The following RASL12 variants were observed in gnomAD, a reference collection of about 807,000 sequenced individuals.
RASL12 encodes the protein RAS like family 12, also known as ras-like protein family member 12.
RASL12 carries 16 observed loss-of-function variants against 22.9 expected under a neutral mutation model. The observed-to-expected ratio is 0.70, with a 90% CI of 0.47 to 1.06. The LOEUF (loss-of-function observed/expected upper bound fraction) is 1.06, where lower values mean the gene tolerates loss of function less well. Ranked by LOEUF, RASL12 falls within the 50% of genes least tolerant of loss-of-function variation. The pLI is 0.00. For synonymous variants in RASL12, 159 were observed against 152.2 expected, an observed-to-expected ratio of 1.04 and a Z score of -0.33; for missense variants, 306 against 353.1, an observed-to-expected ratio of 0.87 and a Z score of 1.07.
the RASL12 span, among the ~76,000 whole-genome samples, chr15:65,047,132 G>A: frequency 7.9e-5 from 12 of 151,708 alleles, no homozygotes; most frequent in African/African-American, 1.5e-4. Context: ...TGAGGTAGGC[G>A]GATCACCAAC....
Position 65,053,981 on chromosome 15 carries a change from G to C in RASL12, c.*918C>G. On this transcript the variant is annotated 3_prime_UTR_variant, in exon 5 of 5. Coordinates refer to ENST00000220062, the MANE Select transcript of RASL12 (RefSeq NM_016563.4). ...CTCAGACTCATTGCTGAGGGTCCTG[G>C]GTCCTGCCAAACCAGATGACAAACG... 1.0e-6 allele frequency: 1 copy of C among 985,804 alleles called. No individual in the cohort carries two copies. Among genetic ancestry groups the C allele is most frequent in the Non-Finnish European group, 1.2e-6 (1 of 829,938 alleles). 61.1% of individuals were successfully genotyped at this position (985,804 alleles called of 1,614,324 possible).
intron 1 of RASL12, among the ~76,000 whole-genome samples, chr15:65,066,045 G>T (rs1039263628): frequency 2.2e-5 from 3 of 136,352 alleles, no homozygotes; most frequent in Admixed American, 7.5e-5. Context: ...GAAGAGTAGA[G>T]AAGAGAAGAG....
At chr15:65,056,648 A>G (rs1451049823) in intron 4 of RASL12, among the ~76,000 whole-genome samples, 1 of 152,102 alleles carries the variant, frequency 6.6e-6, no homozygotes, top group Non-Finnish European at 1.5e-5. Flanking sequence ...ATTTTGTTGC[A>G]TCCTAGGGAA....
intron 1 of RASL12, among the ~76,000 whole-genome samples, chr15:65,073,576 C>T (rs1428698985): frequency 6.6e-6 from 1 of 152,222 alleles, no homozygotes; most frequent in African/African-American, 2.4e-5. Flanking sequence ...TGCTTGCTCA[C>T]TGCTCACCTC....
At chr15:65,051,464 G>C, downstream of RASL12, 1 of 1,574,216 alleles carries the variant, frequency 6.4e-7, no homozygotes, top group Non-Finnish European at 8.7e-7. Flanking sequence ...TAGCGGGCTT[G>C]AGAGGTGCCT....
chr15:65,076,404 G>A (rs2086969866), intron 1 of RASL12: 1 of 495,470 alleles, frequency 2.0e-6, no homozygotes, highest in Non-Finnish European at 3.6e-6. Flanking sequence ...TCACAGCGAA[G>A]GTCTGCAGCT....
chr15:65,053,966 T>C lies in RASL12; in HGVS notation c.*933A>G. 2.0e-6 allele frequency: 2 copies of C among 985,852 alleles called. No homozygotes were observed. Among genetic ancestry groups the C allele is most frequent in the Non-Finnish European group, 2.4e-6 (2 of 829,940 alleles). 61.1% of individuals were successfully genotyped at this position (985,852 alleles called of 1,614,324 possible). A position where few individuals can be genotyped will look rare whatever the true frequency, so the allele number is the denominator to read the frequency against. On this transcript the variant is annotated 3_prime_UTR_variant, in exon 5 of 5. Coordinates refer to ENST00000220062, the MANE Select transcript of RASL12 (RefSeq NM_016563.4). ...AGTGGGCTTTGAACACTCAGACTCA[T>C]TGCTGAGGGTCCTGGGTCCTGCCAA...
At position 65,054,620 on chromosome 15, in the gene RASL12, C is replaced by T; in HGVS notation, c.*279G>A. 1 of 1,308,028 alleles carries T rather than the reference C, an allele frequency of 7.6e-7. No individual in the cohort carries two copies. Among genetic ancestry groups the T allele is most frequent in the Non-Finnish European group, 9.8e-7 (1 of 1,024,630 alleles). The allele number at this position is 1,308,028 out of a possible 1,614,324, so 81.0% of individuals were successfully genotyped here. On this transcript the variant is annotated 3_prime_UTR_variant, in exon 5 of 5. Transcript: ENST00000220062. The stretch of plus-strand genomic sequence containing the variant: ...GGATAGACACTGCAATTTCTTCCTA[C>T]TTAAGGCTGACCCCAGGTCTCTGGG...
chr15:65,062,897 C>G (rs1415523295), intron 2 of RASL12, among the ~76,000 whole-genome samples: 1 of 152,232 alleles, frequency 6.6e-6, no homozygotes, highest in Non-Finnish European at 1.5e-5. Flanking sequence ...AGGAGTGGCA[C>G]TGGCCTCCCA....
chr15:65,065,058 A>G (rs2086859594), intron 2 of RASL12, among the ~76,000 whole-genome samples, 159 bp downstream of exon 2: 1 of 152,204 alleles, frequency 6.6e-6, no homozygotes, highest in African/African-American at 2.4e-5. Context: ...TATTTCTGAC[A>G]CTTAAAACAT....
chr15:65,065,248 C>T lies in RASL12; in HGVS notation c.129G>A (p.Lys43=). Residue 43 remains lysine, a synonymous_variant, in exon 2 of 5, where the codon AAG becomes AAA. Coordinates refer to ENST00000220062, the MANE Select transcript of RASL12 (RefSeq NM_016563.4). The part of the protein sequence containing the change: ...KSALTVKFLT[K]RFISEYDPNL... Reference sequence around the variant, plus strand: ...TGGGGTCATATTCACTGATAAACCTCTTGGTCAGAAACTTCACGGTCAGGG... The same window carrying T: ...TGGGGTCATATTCACTGATAAACCTTTTGGTCAGAAACTTCACGGTCAGGG... 1 of 1,612,814 alleles carries T rather than the reference C, an allele frequency of 6.2e-7. No homozygotes were observed. The highest frequency in any genetic ancestry group is 8.5e-7 in the Non-Finnish European group (1 of 1,179,558).
At chr15:65,073,324 TGG>T (rs2086944308) in intron 1 of RASL12, among the ~76,000 whole-genome samples, 3 of 152,202 alleles carry the variant, frequency 2.0e-5, no homozygotes, top group Admixed American at 6.5e-5. Flanking sequence ...GTAGAATCCA[TGG>T]GTGTCCTGAG....
downstream of RASL12, chr15:65,049,256 G>A (rs1461727240): frequency 6.6e-6 from 1 of 151,242 alleles, no homozygotes; most frequent in Admixed American, 6.6e-5. Flanking sequence ...ACGAAGTAAG[G>A]GATTTATCCA....
At chr15:65,045,884 G>C in the RASL12 span, among the ~76,000 whole-genome samples, 1 of 152,258 alleles carries the variant, frequency 6.6e-6, no homozygotes, top group African/African-American at 2.4e-5. Flanking sequence ...ATATGTCTTT[G>C]GCCGGGCGCA....
At chr15:65,074,921 C>T (rs1434924070) in intron 1 of RASL12, among the ~76,000 whole-genome samples, 2 of 152,246 alleles carry the variant, frequency 1.3e-5, no homozygotes, top group African/African-American at 4.8e-5. Context: ...CCCACTTTGG[C>T]GGCACTTGTG....
downstream of RASL12, chr15:65,051,664 C>A: frequency 6.5e-7 from 1 of 1,529,102 alleles, no homozygotes; most frequent in East Asian, 2.3e-5. Context: ...CCCTGCCTTC[C>A]CAGAGGGAAA....
rs1267079559 is a variant in RASL12, at chr15:65,054,814, C to T, written c.*85G>A. On this transcript the variant is annotated 3_prime_UTR_variant, in exon 5 of 5. Transcript: ENST00000220062. The stretch of plus-strand genomic sequence containing the variant: ...GAGGCGGGGTCTGCTGTCCATCAGA[C>T]GGAAAGGCTGGTGGTGAGAAGCCAG... 25 of 1,524,940 alleles carry T rather than the reference C, an allele frequency of 1.6e-5. No homozygotes were observed. Among genetic ancestry groups the T allele is most frequent in the Admixed American group, 1.3e-4 (6 of 47,530 alleles). The allele number at this position is 1,524,940 out of a possible 1,614,324, so 94.5% of individuals were successfully genotyped here.
chr15:65,062,589 A>C (rs556920583), intron 2 of RASL12, among the ~76,000 whole-genome samples: 2 of 152,272 alleles, frequency 1.3e-5, no homozygotes, highest in East Asian at 3.9e-4. Flanking sequence ...TAATCCTAAA[A>C]CCAAAATTTA....
downstream of RASL12, among the ~76,000 whole-genome samples, chr15:65,051,126 G>A (rs2086648346): frequency 2.0e-5 from 3 of 152,116 alleles, no homozygotes; most frequent in Admixed American, 6.5e-5. Flanking sequence ...TTATAGGCGT[G>A]AGCCACTGAG....
Sources: allele counts gnomAD v4.1 joint callset (sites outside exome capture counted in the v4.1 genomes callset), GRCh38; gene constraint gnomAD v4.1.1; transcripts MANE v1.5; gene names NCBI Gene and HGNC (gene_info 2026-07-23, HGNC 2026-07-21).